The following SHANK2 variants were observed in gnomAD, a reference collection of about 807,000 sequenced individuals.
SHANK2 encodes SH3 and multiple ankyrin repeat domains protein 2.
SHANK2 carries 43 observed loss-of-function variants against 133.7 expected under a neutral mutation model. That is an observed-to-expected ratio of 0.32 (90% CI 0.25 to 0.41). SHANK2 has a LOEUF of 0.41. SHANK2 is among the 10% of genes least tolerant of loss of function. The pLI is 1.00. For synonymous variants in SHANK2, 1,017 were observed against 952.8 expected, an observed-to-expected ratio of 1.07 and a Z score of -1.24; for missense variants, 1,994 against 2,235.8, an observed-to-expected ratio of 0.89 and a Z score of 2.18.
rs782688658 is a variant in SHANK2, at chr11:70,473,168, C to G, written c.5251G>C (p.Asp1751His). The G allele has an allele frequency of 6.2e-7, 1 of 1,613,632 alleles. No homozygotes were observed. Among genetic ancestry groups the G allele is most frequent in the African/African-American group, 1.3e-5 (1 of 74,922 alleles). Residue 1751 changes from aspartate (D) to histidine (H), a missense_variant, in exon 26 of 26, where the codon GAT becomes CAT. Asp to His is a moderately conservative substitution (Grantham distance 81). Transcript: ENST00000601538. The surrounding 1 kb of genome is among the most constrained non-coding windows in gnomAD (Gnocchi z 5.9). ...CCCGCTGGGTTCAAGCCAAATAGAT[C>G]CCCAGAAGGGGGCTGGCTTGGAAGG... ...FSLPSQPPSG[D>H]LFGLNPAGRS...
At chr11:70,892,787 G>A (rs1949869205) in intron 11 of SHANK2, among the ~76,000 whole-genome samples, 1 of 152,128 alleles carries the variant, frequency 6.6e-6, no homozygotes, top group African/African-American at 2.4e-5. Flanking sequence ...GTACCCAGAG[G>A]GAGCACGCAT....
intron 11 of SHANK2, among the ~76,000 whole-genome samples, chr11:70,891,450 C>T (rs1020519557): frequency 6.6e-6 from 1 of 152,020 alleles, no homozygotes; most frequent in South Asian, 2.1e-4. Context: ...TGCAGTGAGC[C>T]GAGATCGCGC....
At chr11:70,737,000 T>C (rs1042432526) in intron 14 of SHANK2, among the ~76,000 whole-genome samples, 16 of 152,140 alleles carry the variant, frequency 1.1e-4, no homozygotes, top group African/African-American at 3.4e-4. Flanking sequence ...TCTTGTACCA[T>C]GTGTGTTCCC....
chr11:71,137,508 T>G (rs1428620407), intron 3 of SHANK2, among the ~76,000 whole-genome samples: 6 of 151,978 alleles, frequency 3.9e-5, no homozygotes, highest in African/African-American at 1.4e-4. Context: ...GATGTGACCG[T>G]GGATGCTGTG....
chr11:71,112,640 GAC>G (rs1304946268), intron 5 of SHANK2, among the ~76,000 whole-genome samples: 1 of 152,128 alleles, frequency 6.6e-6, no homozygotes, highest in Non-Finnish European at 1.5e-5. Flanking sequence ...CAGGGGCCAG[GAC>G]AAAAGCCTCC....
intron 14 of SHANK2, among the ~76,000 whole-genome samples, chr11:70,766,906 C>G (rs1352857235): frequency 6.6e-6 from 1 of 152,186 alleles, no homozygotes; most frequent in Admixed American, 6.5e-5. Flanking sequence ...GATTTTTAAC[C>G]ACACGGAATT....
intron 17 of SHANK2, among the ~76,000 whole-genome samples, chr11:70,620,438 G>A (rs547844683): frequency 4.5e-4 from 68 of 152,272 alleles, no homozygotes; most frequent in Non-Finnish European, 8.5e-4. Context: ...TAATCCCATC[G>A]TTATTACAAG....
intron 2 of SHANK2, among the ~76,000 whole-genome samples, chr11:71,204,040 C>T (rs1361625033): frequency 2.0e-5 from 3 of 152,106 alleles, no homozygotes; most frequent in Non-Finnish European, 2.9e-5. Flanking sequence ...CCCTGCCTGT[C>T]GCTAAAACAG....
chr11:71,221,204 C>CAA (rs782213118), intron 2 of SHANK2, among the ~76,000 whole-genome samples: 13 of 82,182 alleles, frequency 1.6e-4, no homozygotes, highest in Admixed American at 5.3e-4. Context: ...GACTCCATCT[C>CAA]AAAAAAAAAA....
rs557112345 is a variant in SHANK2, at chr11:71,210,440, G to A, written c.-13+14257C>T. Among the ~76,000 whole-genome samples, 8 of 150,988 alleles carry A rather than the reference G, an allele frequency of 5.3e-5. No individual in the cohort carries two copies. In the South Asian group the frequency reaches 1.3e-3, roughly 24 times the overall value. The stretch of plus-strand genomic sequence containing the variant: ...ATTTTTTTGTATTTTTAGTAGAGAC[G>A]GGGTTTCACTGTGTTAGCCAGGATG... On this transcript the variant is annotated intron_variant, in intron 2 of 25. Coordinates refer to ENST00000601538, the MANE Select transcript of SHANK2 (RefSeq NM_012309.5).
rs1483793041 is a variant in SHANK2, at chr11:70,500,451, CAGG to C, written c.2308+116_2308+118del. ...GCAGGGCTCCTCGGGCAGGACCCAG[CAGG>C]AGAAGCCAACAAGGCTTTGCGACAC... On this transcript the variant is annotated intron_variant, in intron 21 of 25. Transcript: ENST00000601538. This position sits in a 1 kb window ranked among gnomAD's most constrained non-coding sequence, Gnocchi z 4.5. 4 of 1,395,598 alleles carry C rather than the reference CAGG, an allele frequency of 2.9e-6. No homozygotes were observed. Among genetic ancestry groups the C allele is most frequent in the African/African-American group, 1.4e-5 (1 of 69,854 alleles). 86.5% of individuals were successfully genotyped at this position (1,395,598 alleles called of 1,614,324 possible).
At chr11:70,612,689 G>T (rs1330104144) in intron 17 of SHANK2, among the ~76,000 whole-genome samples, 1 of 152,242 alleles carries the variant, frequency 6.6e-6, no homozygotes, top group Non-Finnish European at 1.5e-5. Flanking sequence ...GGGTCTGCGC[G>T]TGCAATTCCC....
chr11:70,504,434 G>T (rs919188966), intron 17 of SHANK2, among the ~76,000 whole-genome samples: 2 of 151,554 alleles, frequency 1.3e-5, no homozygotes, highest in African/African-American at 2.4e-5. Context: ...TCCAGGCAGG[G>T]CTGCGAGGAG....
At chr11:70,802,942 C>G (rs1180900617) in intron 13 of SHANK2, among the ~76,000 whole-genome samples, 1 of 152,128 alleles carries the variant, frequency 6.6e-6, no homozygotes. Context: ...TAAATGAACC[C>G]CTAAAATGAC....
chr11:70,491,158 GAAGGCC>G (rs2058881853), intron 22 of SHANK2, among the ~76,000 whole-genome samples: 1 of 152,268 alleles, frequency 6.6e-6, no homozygotes, highest in South Asian at 2.1e-4. Context: ...CTGTAGTGTT[GAAGGCC>G]AACCCGGGAA....
At chr11:70,903,450 T>A (rs987282350) in intron 10 of SHANK2, among the ~76,000 whole-genome samples, 1 of 150,660 alleles carries the variant, frequency 6.6e-6, no homozygotes, top group African/African-American at 2.5e-5. Flanking sequence ...TAAAATAAAA[T>A]AAAATAGCAT....
Position 70,807,397 on chromosome 11 carries a change from A to G in SHANK2, c.1494-226T>C, listed in dbSNP as rs1355191061. The stretch of plus-strand genomic sequence containing the variant: ...CGCAGGTCTGCCCCGCACAGACAGA[A>G]AGCTGCCACTCGGGGAGACGTCTGC... On this transcript the variant is annotated intron_variant, in intron 12 of 25. Transcript: ENST00000601538. The surrounding 1 kb of genome is among the most constrained non-coding windows in gnomAD (Gnocchi z 4.8). 6.6e-6 allele frequency among the ~76,000 whole-genome samples: 1 copy of G among 152,162 alleles called. No individual in the cohort carries two copies. The highest frequency in any genetic ancestry group is 1.5e-5 in the Non-Finnish European group (1 of 68,028).
chr11:71,111,387 T>C (rs910663794), intron 5 of SHANK2, among the ~76,000 whole-genome samples: 3 of 152,190 alleles, frequency 2.0e-5, no homozygotes, highest in African/African-American at 7.2e-5. Flanking sequence ...GCGGGACTCA[T>C]TTCCTGTGAG....
chr11:70,604,428 C>G (rs893643447), intron 17 of SHANK2: 2 of 152,552 alleles, frequency 1.3e-5, no homozygotes, highest in Non-Finnish European at 2.9e-5. Context: ...ATGGTTGGGA[C>G]AGTGAGTCCA....
Sources: gnomAD v4.1 joint callset for allele counts (sites outside exome capture counted in the v4.1 genomes callset) on GRCh38, gnomAD v4.1.1 for gene constraint, Gnocchi (gnomAD v3.1) non-coding constraint, MANE v1.5 for transcripts, NCBI Gene and HGNC (gene_info 2026-07-23, HGNC 2026-07-21) for gene names.